BMP6: variants seen among roughly 807,000 people sequenced by gnomAD.
BMP6 encodes bone morphogenetic protein 6.
Under a neutral mutation model 54.1 loss-of-function variants are expected in BMP6, and 17 were observed. The observed-to-expected ratio is 0.31, with a 90% CI of 0.22 to 0.47. The LOEUF (loss-of-function observed/expected upper bound fraction) is 0.47, where lower values mean the gene tolerates loss of function less well. Ranked by LOEUF, BMP6 falls within the 20% of genes least tolerant of loss-of-function variation. BMP6 has a pLI of 1.00. For missense variants in BMP6, 720 were observed against 690.4 expected (o/e 1.04, Z -0.48); for synonymous variants, 328 against 291.2 (o/e 1.13, Z -1.28).
intron 1 of BMP6, among the ~76,000 whole-genome samples, chr6:7,787,084 T>C (rs1404719110): frequency 2.0e-5 from 3 of 152,170 alleles, no homozygotes; most frequent in Non-Finnish European, 4.4e-5. Flanking sequence ...AATAATCTTC[T>C]GATAAAGATA....
chr6:7,779,701 T>C (rs964155461), intron 1 of BMP6, among the ~76,000 whole-genome samples: 3 of 152,198 alleles, frequency 2.0e-5, no homozygotes, highest in Admixed American at 6.5e-5. Flanking sequence ...AACATTCTCT[T>C]GGCCCAAGTG....
Position 7,880,392 on chromosome 6 carries a change from T to G in BMP6, c.*49T>G, listed in dbSNP as rs763314732. 5.0e-6 allele frequency: 8 copies of G among 1,606,252 alleles called. No individual in the cohort carries two copies. Among genetic ancestry groups the G allele is most frequent in the East Asian group, 2.2e-5 (1 of 44,718 alleles). On this transcript the variant is annotated 3_prime_UTR_variant, in exon 7 of 7. Transcript: ENST00000283147. ...CACATTCTGCCTTGGATTCCTAGAT[T>G]ACATCTGCCTTAAAAAAACACGGAA... is the stretch of plus-strand genomic sequence containing the variant.
At chr6:7,744,933 G>A (rs1757324570) in intron 1 of BMP6, among the ~76,000 whole-genome samples, 1 of 152,194 alleles carries the variant, frequency 6.6e-6, no homozygotes, top group Admixed American at 6.5e-5. Flanking sequence ...ATACAGTGCT[G>A]TTTCCCGCCT....
chr6:7,753,780 G>T (rs565219366), intron 1 of BMP6, among the ~76,000 whole-genome samples: 33 of 152,144 alleles, frequency 2.2e-4, no homozygotes, highest in African/African-American at 7.7e-4. Flanking sequence ...AATTTTTTTT[G>T]ATATGTTGTG....
chr6:7,801,982 T>C (rs1758275995), intron 1 of BMP6, among the ~76,000 whole-genome samples: 1 of 152,108 alleles, frequency 6.6e-6, no homozygotes, highest in Non-Finnish European at 1.5e-5. Context: ...GCCCCTTCTG[T>C]CAGGGAGATG....
At chr6:7,835,216 G>A (rs577753421) in intron 1 of BMP6, among the ~76,000 whole-genome samples, 7 of 152,136 alleles carry the variant, frequency 4.6e-5, no homozygotes, top group African/African-American at 7.2e-5. Flanking sequence ...TCCGCCTCCC[G>A]GGTTCACGCC....
intron 1 of BMP6, among the ~76,000 whole-genome samples, chr6:7,841,217 T>C (rs957777922): frequency 9.9e-5 from 15 of 152,186 alleles, no homozygotes; most frequent in Non-Finnish European, 2.9e-5. Flanking sequence ...AACACCAGCG[T>C]CTCAGTTTGA....
chr6:7,780,591 T>G (rs1166130160), intron 1 of BMP6, among the ~76,000 whole-genome samples: 1 of 152,216 alleles, frequency 6.6e-6, no homozygotes, highest in East Asian at 1.9e-4. Flanking sequence ...TTAAATTTCT[T>G]TTAATCCTTG....
chr6:7,734,556 G>C (rs1304465680), intron 1 of BMP6, among the ~76,000 whole-genome samples: 2 of 152,184 alleles, frequency 1.3e-5, no homozygotes, highest in East Asian at 1.9e-4. Flanking sequence ...TCTCTTAGTG[G>C]ATAGCATCTT....
intron 1 of BMP6, among the ~76,000 whole-genome samples, chr6:7,796,166 G>C (rs1001860189): frequency 1.3e-5 from 2 of 152,322 alleles, no homozygotes; most frequent in African/African-American, 4.8e-5. Flanking sequence ...GGATCCTGGG[G>C]AGGAGGTTGG....
intron 1 of BMP6, among the ~76,000 whole-genome samples, chr6:7,818,724 C>T (rs1342389624): frequency 6.6e-6 from 1 of 152,222 alleles, no homozygotes; most frequent in Admixed American, 6.5e-5. Context: ...GTAGCCCTTG[C>T]TTTCAAATGA....
intron 1 of BMP6, among the ~76,000 whole-genome samples, chr6:7,737,605 A>G (rs1761974259): frequency 6.6e-6 from 1 of 151,332 alleles, no homozygotes. Flanking sequence ...TATCCAGTGG[A>G]TGTTAGAGTC....
chr6:7,877,634 A>G (rs968991863), intron 4 of BMP6, among the ~76,000 whole-genome samples: 1 of 152,198 alleles, frequency 6.6e-6, no homozygotes, highest in Non-Finnish European at 1.5e-5. Context: ...AAAGAAAAAA[A>G]AAAAAATTAA....
At chr6:7,748,852 C>G (rs905427004) in intron 1 of BMP6, among the ~76,000 whole-genome samples, 3 of 152,224 alleles carry the variant, frequency 2.0e-5, no homozygotes, top group Non-Finnish European at 4.4e-5. Flanking sequence ...ACCATACCCC[C>G]ATCTCTAGGA....
chr6:7,848,357 G>T (rs1269793072), intron 2 of BMP6, among the ~76,000 whole-genome samples: 1 of 152,158 alleles, frequency 6.6e-6, no homozygotes, highest in Non-Finnish European at 1.5e-5. Context: ...GAAAGCTAAA[G>T]AACTTGTCTT....
chr6:7,740,815 T>C (rs1209005773), intron 1 of BMP6, among the ~76,000 whole-genome samples: 1 of 152,336 alleles, frequency 6.6e-6, no homozygotes, highest in Non-Finnish European at 1.5e-5. Context: ...CATCTTCCCA[T>C]CATCTTTTCC....
Position 7,880,538 on chromosome 6 carries a change from T to A in BMP6, c.*195T>A. 1.4e-6 allele frequency: 1 copy of A among 714,322 alleles called. No individual in the cohort carries two copies. The highest frequency in any genetic ancestry group is 1.9e-5 in the South Asian group (1 of 52,614). 44.2% of individuals were successfully genotyped at this position (714,322 alleles called of 1,614,324 possible). A position where few individuals can be genotyped will look rare whatever the true frequency, so the allele number is the denominator to read the frequency against. Reference sequence around the variant, plus strand: ...TCACTTGGTAAATGACGTGAGTAGTTGTTGGTCTGTAGCAAGCTGAGTTTG... The same window carrying A: ...TCACTTGGTAAATGACGTGAGTAGTAGTTGGTCTGTAGCAAGCTGAGTTTG... On this transcript the variant is annotated 3_prime_UTR_variant, in exon 7 of 7. Coordinates refer to ENST00000283147, the MANE Select transcript of BMP6 (RefSeq NM_001718.6).
intron 1 of BMP6, among the ~76,000 whole-genome samples, chr6:7,733,730 C>G (rs539292076): frequency 6.6e-6 from 1 of 152,330 alleles, no homozygotes; most frequent in East Asian, 1.9e-4. Context: ...CATACCCTTA[C>G]CTTCTCTTCA....
At chr6:7,874,714 C>G (rs1425547979) in intron 4 of BMP6, among the ~76,000 whole-genome samples, 1 of 152,152 alleles carries the variant, frequency 6.6e-6, no homozygotes, top group Admixed American at 6.5e-5. Context: ...CACCACTGCA[C>G]TCCAGCCTGG....
Sources: allele counts gnomAD v4.1 joint callset (sites outside exome capture counted in the v4.1 genomes callset), GRCh38; gene constraint gnomAD v4.1.1; transcripts MANE v1.5; gene names NCBI Gene and HGNC (gene_info 2026-07-23, HGNC 2026-07-21).